TENM2: variants seen among roughly 807,000 people sequenced by gnomAD.
The protein encoded by TENM2 is teneurin transmembrane protein 2.
In TENM2, 52 loss-of-function variants were observed where a neutral mutation model predicts 245.2. The ratio of observed to expected loss-of-function variants is 0.21; its 90% CI spans 0.17 to 0.27. The LOEUF is 0.27. Ranked by LOEUF, TENM2 falls within the 10% of genes least tolerant of loss-of-function variation. The pLI is 1.00. For missense variants in TENM2, 3,046 were observed against 3,666.8 expected, an observed-to-expected ratio of 0.83 and a Z score of 4.37; for synonymous variants, 1,363 against 1,438.9, an observed-to-expected ratio of 0.95 and a Z score of 1.19.
At chr5:167,443,450 A>AT (rs1424179241) in intron 2 of TENM2, among the ~76,000 whole-genome samples, 1 of 152,136 alleles carries the variant, frequency 6.6e-6, no homozygotes, top group Admixed American at 6.5e-5. Flanking sequence ...TAAACTTAGA[A>AT]TTTTTACTCT....
chr5:167,407,616 A>C (rs149310542), intron 2 of TENM2, among the ~76,000 whole-genome samples: 5,801 of 152,204 alleles, frequency 0.038, 251 homozygotes, highest in East Asian at 0.19. Flanking sequence ...TCAGGAGTTC[A>C]AGACTAGCCT....
intron 1 of TENM2, among the ~76,000 whole-genome samples, chr5:167,305,834 T>G (rs890340120): frequency 2.2e-4 from 33 of 152,318 alleles, no homozygotes; most frequent in Non-Finnish European, 3.8e-4. Context: ...GATCCTCCAG[T>G]GCACCTCACA....
chr5:167,507,482 A>G (rs1769633115), intron 2 of TENM2, among the ~76,000 whole-genome samples: 1 of 152,150 alleles, frequency 6.6e-6, no homozygotes, highest in South Asian at 2.1e-4. Context: ...CCAACTTCTA[A>G]AAAAATTAGG....
intron 2 of TENM2, among the ~76,000 whole-genome samples, chr5:167,431,970 T>TGTATATATATATATATATATAC (rs1554150945): frequency 3.0e-5 from 4 of 135,530 alleles, no homozygotes; most frequent in African/African-American, 8.6e-5. Context: ...TGTATATATA[T>TGTATATATATATATATATATAC]ATATATATGG....
intron 2 of TENM2, among the ~76,000 whole-genome samples, chr5:167,386,351 T>A (rs1158321953): frequency 6.6e-6 from 1 of 152,178 alleles, no homozygotes; most frequent in African/African-American, 2.4e-5. Flanking sequence ...TAGCTTACTT[T>A]TTGATGGGAT....
chr5:167,698,797 C>A (rs368198244), intron 2 of TENM2, among the ~76,000 whole-genome samples: 2 of 150,906 alleles, frequency 1.3e-5, no homozygotes, highest in African/African-American at 4.9e-5. Flanking sequence ...CTTTCTCCTG[C>A]CTCAGCCTCC....
Position 168,104,880 on chromosome 5 carries a change from A to C in TENM2, c.1813+6753A>C, listed in dbSNP as rs1242335307. 2.0e-5 allele frequency among the ~76,000 whole-genome samples: 3 copies of C among 152,182 alleles called. No individual in the cohort carries two copies. The East Asian group carries it at 5.8e-4, about 29-fold the overall frequency. Reference sequence around the variant, plus strand: ...GGGGACAGAACTTATTCGTACATTCAGTGAATGTGTGTGATCTGCCCACTG... The same window carrying C: ...GGGGACAGAACTTATTCGTACATTCCGTGAATGTGTGTGATCTGCCCACTG... On this transcript the variant is annotated intron_variant, in intron 9 of 28. Transcript: ENST00000518659.
At chr5:167,753,566 T>C (rs1762097539) in intron 2 of TENM2, among the ~76,000 whole-genome samples, 2 of 152,230 alleles carry the variant, frequency 1.3e-5, no homozygotes, top group Non-Finnish European at 2.9e-5. Context: ...ATCTTCATGA[T>C]AACCTGTTGA....
At chr5:167,127,374 G>A in the TENM2 span, among the ~76,000 whole-genome samples, 1 of 151,994 alleles carries the variant, frequency 6.6e-6, no homozygotes, top group Non-Finnish European at 1.5e-5. Flanking sequence ...TAATATGCAG[G>A]TTATTAATAC....
intron 2 of TENM2, among the ~76,000 whole-genome samples, chr5:167,451,237 C>A (rs1215953339): frequency 6.6e-6 from 1 of 152,096 alleles, no homozygotes; most frequent in African/African-American, 2.4e-5. Context: ...ATTGTCAGAG[C>A]CTCCCCACAG....
At position 168,184,238 on chromosome 5, in the gene TENM2, T is replaced by C. The variant is rs549505102; in HGVS notation, c.2570-6099T>C. On this transcript the variant is annotated intron_variant, in intron 13 of 28. Transcript: ENST00000518659. Reference sequence around the variant, plus strand: ...TGGCCCAATGAGTAGGAAAGGTAGATTTGGTGCTTGGTGGTTCCTCTGTGA... The same window carrying C: ...TGGCCCAATGAGTAGGAAAGGTAGACTTGGTGCTTGGTGGTTCCTCTGTGA... Among the ~76,000 whole-genome samples the C allele has an allele frequency of 2.0e-5, 3 of 152,290 alleles. No homozygotes were observed. The East Asian group carries it at 5.8e-4, about 29-fold the overall frequency.
At chr5:167,106,737 G>T in the TENM2 span, among the ~76,000 whole-genome samples, 1 of 151,924 alleles carries the variant, frequency 6.6e-6, no homozygotes, top group African/African-American at 2.4e-5. Context: ...GCCTGAGCTG[G>T]GCTGTGGCAA....
chr5:168,080,416 G>A (rs1318669990), intron 7 of TENM2, among the ~76,000 whole-genome samples: 3 of 152,064 alleles, frequency 2.0e-5, no homozygotes, highest in Non-Finnish European at 2.9e-5. Flanking sequence ...AGGATTTTTT[G>A]TGTGTCTATC....
the TENM2 span, among the ~76,000 whole-genome samples, chr5:167,247,930 A>C: frequency 2.0e-5 from 3 of 152,188 alleles, no homozygotes; most frequent in African/African-American, 7.2e-5. Context: ...AGATGTACCA[A>C]GCATCAGTGT....
the TENM2 span, among the ~76,000 whole-genome samples, chr5:167,037,793 G>C: frequency 1.3e-5 from 2 of 152,206 alleles, no homozygotes; most frequent in Non-Finnish European, 2.9e-5. Context: ...CAAAGAAGGG[G>C]CCTGTCACCT....
At chr5:167,964,826 T>G (rs2151899443) in intron 4 of TENM2, among the ~76,000 whole-genome samples, 1 of 152,306 alleles carries the variant, frequency 6.6e-6, no homozygotes, top group East Asian at 1.9e-4. Context: ...AAGGGCAAGA[T>G]GGATCAAGGC....
At chr5:167,488,105 G>A (rs1768195499) in intron 2 of TENM2, among the ~76,000 whole-genome samples, 1 of 152,050 alleles carries the variant, frequency 6.6e-6, no homozygotes, top group Non-Finnish European at 1.5e-5. Flanking sequence ...GCTCTAATAT[G>A]TCTCTCCAGG....
At chr5:167,802,400 A>G (rs1295005520) in intron 2 of TENM2, among the ~76,000 whole-genome samples, 2 of 152,178 alleles carry the variant, frequency 1.3e-5, no homozygotes, top group Admixed American at 1.3e-4. Flanking sequence ...CCGTAATAGT[A>G]CATTTCCCTA....
At chr5:167,130,641 C>T in the TENM2 span, among the ~76,000 whole-genome samples, 1 of 152,142 alleles carries the variant, frequency 6.6e-6, no homozygotes, top group Non-Finnish European at 1.5e-5. Flanking sequence ...CCATGTGGGT[C>T]CACACCCAGG....
Sources: allele counts gnomAD v4.1 joint callset (sites outside exome capture counted in the v4.1 genomes callset), GRCh38; gene constraint gnomAD v4.1.1; transcripts MANE v1.5; gene names NCBI Gene and HGNC (gene_info 2026-07-23, HGNC 2026-07-21).